Variants in CDK5RAP2 observed in about 807,000 individuals in gnomAD.
The protein encoded by CDK5RAP2 is CDK5 regulatory subunit-associated protein 2.
In CDK5RAP2, 147 loss-of-function variants were observed where a neutral mutation model predicts 232.9. The ratio of observed to expected loss-of-function variants is 0.63; its 90% CI spans 0.55 to 0.72. The LOEUF is 0.72. CDK5RAP2 is among the 30% of genes least tolerant of loss of function. The pLI, the probability that CDK5RAP2 is intolerant of heterozygous loss-of-function variation, is 0.00. For missense variants in CDK5RAP2, 2,195 were observed against 2,231.5 expected (o/e 0.98, Z 0.33); for synonymous variants, 833 against 833.7 (o/e 1.00, Z 0.01).
Position 120,403,290 on chromosome 9 carries a change from T to C in CDK5RAP2, c.5042-219A>G. The C allele has an allele frequency of 1.8e-6, 1 of 563,446 alleles. No homozygotes were observed. Among genetic ancestry groups the C allele is most frequent in the Non-Finnish European group, 3.2e-6 (1 of 314,124 alleles). 34.9% of individuals were successfully genotyped at this position (563,446 alleles called of 1,614,324 possible). On this transcript the variant is annotated intron_variant, in intron 33 of 37. Coordinates refer to ENST00000349780, the MANE Select transcript of CDK5RAP2 (RefSeq NM_018249.6). The surrounding 1 kb of genome is among the most constrained non-coding windows in gnomAD (Gnocchi z 4.2). Reference sequence around the variant, plus strand: ...TCTTGTAGGAGAGGCTCAAGTCAACTCAACCAACACTTATCAACCACCCAC... The same window carrying C: ...TCTTGTAGGAGAGGCTCAAGTCAACCCAACCAACACTTATCAACCACCCAC...
intron 3 of CDK5RAP2, among the ~76,000 whole-genome samples, chr9:120,556,774 T>C (rs2042244728): frequency 1.3e-5 from 2 of 152,174 alleles, no homozygotes; most frequent in Non-Finnish European, 2.9e-5. Flanking sequence ...GATAAGCATA[T>C]TTCACATTAA....
chr9:120,541,645 C>A lies in CDK5RAP2; in HGVS notation c.384-2481G>T, dbSNP rs150079945. ...CCAGCCAACAAATATGTTTATCTCA[C>A]AGCAAGGCACAGCACACTCTGGAGG... is the stretch of plus-strand genomic sequence containing the variant. On this transcript the variant is annotated intron_variant, in intron 5 of 37. Transcript: ENST00000349780. 1.3e-3 allele frequency among the ~76,000 whole-genome samples: 203 copies of A among 152,332 alleles called. 1 individual carries two copies. Among genetic ancestry groups the A allele is most frequent in the African/African-American group, 4.5e-3 (186 of 41,576 alleles).
chr9:120,523,312 C>A (rs981231069), intron 11 of CDK5RAP2, among the ~76,000 whole-genome samples: 2 of 152,190 alleles, frequency 1.3e-5, no homozygotes, highest in Non-Finnish European at 2.9e-5. Flanking sequence ...TAAAATATCA[C>A]AATGTTTATG....
At chr9:120,438,287 CAG>C (rs2035701505) in intron 24 of CDK5RAP2, among the ~76,000 whole-genome samples, 1 of 152,182 alleles carries the variant, frequency 6.6e-6, no homozygotes, top group Non-Finnish European at 1.5e-5. Flanking sequence ...AACCTTGCTC[CAG>C]AGAGTAGCTT....
At chr9:120,482,790 TC>T (rs1404921211) in intron 14 of CDK5RAP2, among the ~76,000 whole-genome samples, 1 of 152,170 alleles carries the variant, frequency 6.6e-6, no homozygotes. Context: ...GAGAAGAGAT[TC>T]CTGGGGATAT....
At chr9:120,485,483 CG>C (rs1191926569) in intron 14 of CDK5RAP2, among the ~76,000 whole-genome samples, 1 of 151,926 alleles carries the variant, frequency 6.6e-6, no homozygotes, top group Non-Finnish European at 1.5e-5. Flanking sequence ...TTAGTAGAGA[CG>C]GGGTTTCACC....
chr9:120,411,373 T>G lies in CDK5RAP2; in HGVS notation c.4399A>C (p.Ile1467Leu). Reference sequence around the variant, plus strand: ...TAACTCTTACCTCTGGATCCTTTAATGAGCATTGCATTGAGGGCCTGGTTC... The same window carrying G: ...TAACTCTTACCTCTGGATCCTTTAAGGAGCATTGCATTGAGGGCCTGGTTC... Reference protein sequence around the residue: ...KQNQALNAMLIKGSRDKQKEN... With the variant: ...KQNQALNAMLLKGSRDKQKEN... The change falls in exon 29 of 38, where the codon ATT becomes CTT. Residue 1467 changes from isoleucine (I) to leucine (L), a missense_variant. By Grantham distance (5) the Ile-to-Leu change is conservative (BLOSUM62 2). Transcript: ENST00000349780. The G allele has an allele frequency of 6.9e-6, 11 of 1,595,264 alleles. No individual in the cohort carries two copies. Among genetic ancestry groups the G allele is most frequent in the Non-Finnish European group, 9.5e-6 (11 of 1,162,906 alleles).
In CDK5RAP2 at chr9:120,411,345, C is replaced by T; in HGVS notation, c.4414+13G>A. ...TGGCGTTCCAGACTTCCAGTGACTC[C>T]TTTAACTCTTACCTCTGGATCCTTT... On this transcript the variant is annotated intron_variant, in intron 29 of 37. Coordinates refer to ENST00000349780, the MANE Select transcript of CDK5RAP2 (RefSeq NM_018249.6). 2.0e-6 allele frequency: 3 copies of T among 1,497,766 alleles called. No homozygotes were observed. Among genetic ancestry groups the T allele is most frequent in the Non-Finnish European group, 2.8e-6 (3 of 1,073,798 alleles). The allele number at this position is 1,497,766 out of a possible 1,614,324, so 92.8% of individuals were successfully genotyped here. A position where few individuals can be genotyped will look rare whatever the true frequency, so the allele number is the denominator to read the frequency against.
chr9:120,471,681 C>T, intron 16 of CDK5RAP2, 67 bp downstream of exon 16: 2 of 1,609,220 alleles, frequency 1.2e-6, no homozygotes, highest in South Asian at 1.1e-5. Flanking sequence ...TTAGGACTCT[C>T]CTGAAGTTCA....
chr9:120,419,885 A>T lies in CDK5RAP2; in HGVS notation c.4080T>A (p.Ser1360=). ...AGGACTTTTCAGATGTTTCATAATC[A>T]GAGAGCGCATGAGAGGCTGAAGGCT... ...SPEPSASHAL[S]DYETSEKSFF... is the part of the protein sequence containing the mutation. Residue 1360 remains serine, a synonymous_variant, in exon 27 of 38, where the codon TCT becomes TCA. Transcript: ENST00000349780. The T allele has an allele frequency of 6.2e-7, 1 of 1,613,762 alleles. No homozygotes were observed. The highest frequency in any genetic ancestry group is 8.5e-7 in the Non-Finnish European group (1 of 1,179,658).
rs777973898 is a variant in CDK5RAP2 at position 120,518,534 on chromosome 9, T to G, written c.1204A>C (p.Lys402Gln). ...TCACTCAGCTCCTGGGTGATCTTCTTAATGCTTCTACGCAGTCTGTGGTTC... is the reference window on the plus strand; with the variant it reads ...TCACTCAGCTCCTGGGTGATCTTCTGAATGCTTCTACGCAGTCTGTGGTTC... Reference protein sequence around the residue: ...TENHRLRRSIKKITQELSDLQ... With the variant: ...TENHRLRRSIQKITQELSDLQ... The change falls in exon 12 of 38, where the codon AAG becomes CAG. Residue 402 changes from lysine (K) to glutamine (Q), a missense_variant. Coordinates refer to ENST00000349780, the MANE Select transcript of CDK5RAP2 (RefSeq NM_018249.6). The G allele has an allele frequency of 1.2e-6, 2 of 1,613,860 alleles. No individual in the cohort carries two copies. The highest frequency in any genetic ancestry group is 1.7e-6 in the Non-Finnish European group (2 of 1,179,990).
intron 3 of CDK5RAP2, among the ~76,000 whole-genome samples, chr9:120,558,164 A>G: frequency 6.7e-6 from 1 of 148,206 alleles, no homozygotes; most frequent in African/African-American, 2.4e-5. Flanking sequence ...CATGAGGTCA[A>G]GAGATCGAGA....
At chr9:120,431,644 G>A (rs528949507) in intron 25 of CDK5RAP2, among the ~76,000 whole-genome samples, 1 of 152,356 alleles carries the variant, frequency 6.6e-6, no homozygotes, top group Non-Finnish European at 1.5e-5. Flanking sequence ...AAGGCCTTGA[G>A]AAGAAACCAA....
intron 6 of CDK5RAP2, among the ~76,000 whole-genome samples, chr9:120,538,838 C>T (rs555667503): frequency 2.9e-4 from 44 of 152,218 alleles, no homozygotes; most frequent in Admixed American, 6.5e-4. Context: ...AAATGAGGAC[C>T]ACAATGGCCA....
intron 25 of CDK5RAP2, among the ~76,000 whole-genome samples, 175 bp from the exon 26 acceptor site, chr9:120,422,916 T>C (rs1018803126): frequency 6.6e-6 from 1 of 152,260 alleles, no homozygotes; most frequent in African/African-American, 2.4e-5. Flanking sequence ...TATAGACTTC[T>C]CCTTTATCAC....
chr9:120,493,968 A>G (rs2131650286), intron 12 of CDK5RAP2, among the ~76,000 whole-genome samples: 1 of 152,236 alleles, frequency 6.6e-6, no homozygotes, highest in South Asian at 2.1e-4. Flanking sequence ...GGCACATGCC[A>G]ATAATCCCAG....
Position 120,403,326 on chromosome 9 carries a change from AC to A in CDK5RAP2, c.5042-256del. 2.0e-6 allele frequency: 1 copy of A among 498,366 alleles called. No individual in the cohort carries two copies. The highest frequency in any genetic ancestry group is 3.6e-6 in the Non-Finnish European group (1 of 274,018). 30.9% of individuals were successfully genotyped at this position (498,366 alleles called of 1,614,324 possible). On this transcript the variant is annotated intron_variant, in intron 33 of 37. Coordinates refer to ENST00000349780, the MANE Select transcript of CDK5RAP2 (RefSeq NM_018249.6). This position sits in a 1 kb window ranked among gnomAD's most constrained non-coding sequence, Gnocchi z 4.2. ...TTATCAACCACCCACTCGGCAGAAG[AC>A]CCCAGATTCACAAGGATGACTCAAG...
At chr9:120,471,192 C>T (rs1297288991) in intron 16 of CDK5RAP2, among the ~76,000 whole-genome samples, 1 of 152,160 alleles carries the variant, frequency 6.6e-6, no homozygotes, top group Non-Finnish European at 1.5e-5. Flanking sequence ...GAATCAGATA[C>T]CAACCCAAAC....
intron 25 of CDK5RAP2, among the ~76,000 whole-genome samples, chr9:120,427,639 G>A (rs1355977851): frequency 1.3e-5 from 2 of 152,112 alleles, no homozygotes; most frequent in Non-Finnish European, 2.9e-5. Context: ...TTCCACTTCA[G>A]GTGAACAAAG....
Sources: gnomAD v4.1 joint callset for allele counts (sites outside exome capture counted in the v4.1 genomes callset) on GRCh38, gnomAD v4.1.1 for gene constraint, Gnocchi (gnomAD v3.1) non-coding constraint, MANE v1.5 for transcripts, NCBI Gene and HGNC (gene_info 2026-07-23, HGNC 2026-07-21) for gene names.